The following DPYSL2 variants were observed in gnomAD, a reference collection of about 807,000 sequenced individuals.
DPYSL2 encodes dihydropyrimidinase-related protein 2.
DPYSL2 carries 13 observed loss-of-function variants against 69.9 expected under a neutral mutation model. The ratio of observed to expected loss-of-function variants is 0.19; its 90% CI spans 0.12 to 0.30. The LOEUF (loss-of-function observed/expected upper bound fraction) is 0.30. Among genes scored for constraint, DPYSL2 ranks in the 10% least tolerant of loss-of-function variants. The pLI is 1.00. For synonymous variants in DPYSL2, 326 were observed against 359.1 expected (o/e 0.91, Z 1.04); for missense variants, 587 against 918.9 (o/e 0.64, Z 4.67).
intron 1 of DPYSL2, among the ~76,000 whole-genome samples, chr8:26,536,315 T>C (rs1800591944): frequency 6.6e-6 from 1 of 151,766 alleles, no homozygotes. Flanking sequence ...GGGCTCAGCC[T>C]CCCAAAGTGC....
At chr8:26,636,609 GCCT>G (rs1018956749) in intron 8 of DPYSL2, among the ~76,000 whole-genome samples, 1 of 152,168 alleles carries the variant, frequency 6.6e-6, no homozygotes, top group African/African-American at 2.4e-5. Context: ...CCTGCCGCAG[GCCT>G]CCTCCTCTCT....
intron 3 of DPYSL2, among the ~76,000 whole-genome samples, chr8:26,590,269 A>G (rs1801695968): frequency 6.6e-6 from 1 of 152,218 alleles, no homozygotes; most frequent in African/African-American, 2.4e-5. Context: ...AAGCCACGTT[A>G]TCCAATGGGC....
Position 26,593,227 on chromosome 8 carries a change from C to G in DPYSL2, c.628+9244C>G, listed in dbSNP as rs908710908. Among the ~76,000 whole-genome samples the G allele has an allele frequency of 6.6e-6, 1 of 152,072 alleles. No homozygotes were observed. Among genetic ancestry groups the G allele is most frequent in the African/African-American group, 2.4e-5 (1 of 41,398 alleles). The stretch of plus-strand genomic sequence containing the variant: ...CCAGTTAAGAGAATTTTGCAATGAA[C>G]TAGGGCAGTGGTTTAAAAACCTTGA... On this transcript the variant is annotated intron_variant, in intron 3 of 13. Coordinates refer to ENST00000521913, the MANE Select transcript of DPYSL2 (RefSeq NM_001197293.3). This position sits in a 1 kb window ranked among gnomAD's most constrained non-coding sequence, Gnocchi z 5.7.
intron 3 of DPYSL2, among the ~76,000 whole-genome samples, chr8:26,606,144 G>T (rs1468662770): frequency 6.6e-6 from 1 of 152,106 alleles, no homozygotes; most frequent in Non-Finnish European, 1.5e-5. Flanking sequence ...CTGCAAATGT[G>T]ACTAACTGTA....
At chr8:26,550,707 G>A (rs1429036260) in intron 1 of DPYSL2, among the ~76,000 whole-genome samples, 3 of 152,154 alleles carry the variant, frequency 2.0e-5, no homozygotes, top group African/African-American at 7.2e-5. Flanking sequence ...TGTTATGAAG[G>A]CTGAGAATTC....
chr8:26,561,238 A>G (rs1472004047), intron 1 of DPYSL2, among the ~76,000 whole-genome samples: 1 of 152,136 alleles, frequency 6.6e-6, no homozygotes, highest in East Asian at 1.9e-4. Flanking sequence ...GGTGTCCAAT[A>G]CATGCTACTC....
chr8:26,636,543 G>A (rs1178148398), intron 8 of DPYSL2, among the ~76,000 whole-genome samples: 2 of 152,144 alleles, frequency 1.3e-5, no homozygotes, highest in Non-Finnish European at 2.9e-5. Flanking sequence ...ATGAGAAGAC[G>A]GAGGGGTCCT....
intron 8 of DPYSL2, among the ~76,000 whole-genome samples, chr8:26,636,982 T>A (rs1366846247): frequency 6.6e-6 from 1 of 152,150 alleles, no homozygotes; most frequent in Non-Finnish European, 1.5e-5. Flanking sequence ...CCTCAGGTGA[T>A]CTGCCCGCCT....
chr8:26,536,620 G>A (rs1218191827), intron 1 of DPYSL2, among the ~76,000 whole-genome samples: 3 of 152,102 alleles, frequency 2.0e-5, no homozygotes, highest in East Asian at 1.9e-4. Flanking sequence ...GCAGTGAGCC[G>A]AGATTATGCC....
At chr8:26,536,594 C>T (rs1225765860) in intron 1 of DPYSL2, among the ~76,000 whole-genome samples, 1 of 152,094 alleles carries the variant, frequency 6.6e-6, no homozygotes, top group African/African-American at 2.4e-5. Flanking sequence ...TCGCCTGAAC[C>T]CAGGAGGCGG....
In DPYSL2 at chr8:26,514,520, G is replaced by A. The variant is rs1016808698; in HGVS notation, c.195G>A (p.Val65=). 26 of 1,530,178 alleles carry A rather than the reference G, an allele frequency of 1.7e-5. 1 individual carries two copies. The Middle Eastern group carries it at 2.8e-3, about 168-fold the overall frequency. 94.8% of individuals were successfully genotyped at this position (1,530,178 alleles called of 1,614,324 possible). ...LSVGRGSGQV[V]AQQRDVAHLG... Reference sequence around the variant, plus strand: ...TGGGCCGGGGCTCGGGGCAGGTGGTGGCTCAGCAGCGGGACGTCGCCCACT... The same window carrying A: ...TGGGCCGGGGCTCGGGGCAGGTGGTAGCTCAGCAGCGGGACGTCGCCCACT... Residue 65 remains valine, a synonymous_variant, in exon 1 of 14, where the codon GTG becomes GTA. Coordinates refer to ENST00000521913, the MANE Select transcript of DPYSL2 (RefSeq NM_001197293.3). The surrounding 1 kb of genome is among the most constrained non-coding windows in gnomAD (Gnocchi z 8.4).
chr8:26,642,315 G>A lies in DPYSL2; in HGVS notation c.1127-1124G>A, dbSNP rs912873562. On this transcript the variant is annotated intron_variant, in intron 8 of 13. Transcript: ENST00000521913. The surrounding 1 kb of genome is among the most constrained non-coding windows in gnomAD (Gnocchi z 5.3). Reference sequence around the variant, plus strand: ...CTCAGGTGAAGGGTGTGAGACCCGAGTTGTGTTTTGGACGATGTTAAAGGA... The same window carrying A: ...CTCAGGTGAAGGGTGTGAGACCCGAATTGTGTTTTGGACGATGTTAAAGGA... Among the ~76,000 whole-genome samples, 2 of 152,186 alleles carry A rather than the reference G, an allele frequency of 1.3e-5. No homozygotes were observed. Among genetic ancestry groups the A allele is most frequent in the Admixed American group, 1.3e-4 (2 of 15,276 alleles).
intron 1 of DPYSL2, among the ~76,000 whole-genome samples, chr8:26,551,350 C>T (rs1033259760): frequency 3.3e-5 from 5 of 152,110 alleles, no homozygotes; most frequent in East Asian, 3.8e-4. Flanking sequence ...AGGGGCACAA[C>T]GTAATGATAA....
At chr8:26,629,398 A>C (rs1283384097) in intron 7 of DPYSL2, among the ~76,000 whole-genome samples, 1 of 152,188 alleles carries the variant, frequency 6.6e-6, no homozygotes, top group African/African-American at 2.4e-5. Context: ...AGGCAGATAC[A>C]CAGAACTGCA....
At chr8:26,526,031 T>C (rs1466621761) in intron 1 of DPYSL2, among the ~76,000 whole-genome samples, 1 of 152,224 alleles carries the variant, frequency 6.6e-6, no homozygotes, top group East Asian at 1.9e-4. Flanking sequence ...GTTTTGTTAC[T>C]ATAGTGAACG....
At position 26,627,072 on chromosome 8, in the gene DPYSL2, C is replaced by A; in HGVS notation, c.856-143C>A. The stretch of plus-strand genomic sequence containing the variant: ...ATGTGGCCAGTAACATTGCCCTCAT[C>A]ATATCAAAAAAAGTCAGGCTAATAG... On this transcript the variant is annotated intron_variant, in intron 5 of 13. Coordinates refer to ENST00000521913, the MANE Select transcript of DPYSL2 (RefSeq NM_001197293.3). This position sits in a 1 kb window ranked among gnomAD's most constrained non-coding sequence, Gnocchi z 6.9. The A allele has an allele frequency of 1.4e-6, 1 of 711,858 alleles. No homozygotes were observed. The highest frequency in any genetic ancestry group is 2.4e-6 in the Non-Finnish European group (1 of 413,414). The allele number at this position is 711,858 out of a possible 1,614,324, so 44.1% of individuals were successfully genotyped here.
chr8:26,579,371 C>G (rs909046389), intron 1 of DPYSL2, among the ~76,000 whole-genome samples: 1 of 152,238 alleles, frequency 6.6e-6, no homozygotes, highest in African/African-American at 2.4e-5. Context: ...TCTTTCCATC[C>G]CCAGTGAAAT....
rs923491925 is a variant in DPYSL2, at chr8:26,619,311, G to A, written c.629-4832G>A. On this transcript the variant is annotated intron_variant, in intron 3 of 13. Transcript: ENST00000521913. The surrounding 1 kb of genome is among the most constrained non-coding windows in gnomAD (Gnocchi z 4.8). ...GAAAACTGTGGGAAAACATTTGGAG[G>A]CATTTCATGGACACGTTTCTGAGTG... Among the ~76,000 whole-genome samples, 2 of 152,172 alleles carry A rather than the reference G, an allele frequency of 1.3e-5. No homozygotes were observed. Among genetic ancestry groups the A allele is most frequent in the African/African-American group, 4.8e-5 (2 of 41,426 alleles).
intron 4 of DPYSL2, among the ~76,000 whole-genome samples, chr8:26,625,286 A>G (rs1273825960): frequency 1.3e-5 from 2 of 152,232 alleles, no homozygotes; most frequent in Non-Finnish European, 2.9e-5. Flanking sequence ...TCCAGCACAA[A>G]GCTTCCACAT....
Sources: allele counts gnomAD v4.1 joint callset (sites outside exome capture counted in the v4.1 genomes callset), GRCh38; gene constraint gnomAD v4.1.1; non-coding constraint Gnocchi (gnomAD v3.1); transcripts MANE v1.5; gene names NCBI Gene and HGNC (gene_info 2026-07-23, HGNC 2026-07-21).